Variants in CYBB observed in about 807,000 individuals in gnomAD.
CYBB encodes cytochrome b-245 beta chain.
A neutral mutation model predicts 46.5 loss-of-function variants in CYBB; 5 were observed. That is an observed-to-expected ratio of 0.11 (90% CI 0.06 to 0.23). CYBB has a LOEUF of 0.23. Among genes scored for constraint, CYBB ranks in the 10% least tolerant of loss-of-function variants. CYBB has a pLI of 1.00. For synonymous variants in CYBB, 183 were observed against 156.7 expected (o/e 1.17, Z -1.26); for missense variants, 307 against 428.3 (o/e 0.72, Z 2.50).
intron 11 of CYBB, among the ~76,000 whole-genome samples, chrX:37,808,200 A>G (rs1929602631): frequency 8.9e-6 from 1 of 111,799 alleles, no homozygotes; most frequent in Non-Finnish European, 1.9e-5. Context: ...GGAGGCTGGC[A>G]AGTCCAAGAT....
Position 37,782,055 on chromosome X carries a change from G to A in CYBB, c.46-33G>A, listed in dbSNP as rs373679238. 1.4e-4 allele frequency: 156 copies of A among 1,123,747 alleles called. No individual in the cohort carries two copies. In the African/African-American group the frequency reaches 2.2e-3, roughly 16 times the overall value. The allele number at this position is 1,123,747 out of a possible 1,213,427, so 92.6% of individuals were successfully genotyped here. A position where few individuals can be genotyped will look rare whatever the true frequency, so the allele number is the denominator to read the frequency against. On this transcript the variant is annotated intron_variant, in intron 1 of 12. Coordinates refer to ENST00000378588, the MANE Select transcript of CYBB (RefSeq NM_000397.4). ...TGTGTGGAATCTACTGTGGAAATGCGGAAACTTCATGCAATTATTTCTGTT... is the reference window on the plus strand; with the variant it reads ...TGTGTGGAATCTACTGTGGAAATGCAGAAACTTCATGCAATTATTTCTGTT...
intron 8 of CYBB, among the ~76,000 whole-genome samples, chrX:37,801,587 TG>T (rs1269462104): frequency 4.9e-5 from 2 of 41,095 alleles, no homozygotes; most frequent in African/African-American, 3.7e-4. Context: ...CCCCACCCAT[TG>T]TGTGTGTGTG....
At chrX:37,809,772 A>G in intron 12 of CYBB, 81 bp downstream of exon 12, 6 of 1,032,449 alleles carry the variant, frequency 5.8e-6, no homozygotes, top group Non-Finnish European at 8.0e-6. Flanking sequence ...AAACTTATAT[A>G]TTTTAGAAAC....
rs1403931118 is a variant in CYBB at position 37,812,564 on chromosome X, T to G, written c.*1647T>G. 1.8e-5 allele frequency: 2 copies of G among 111,982 alleles called. No individual in the cohort carries two copies. The highest frequency in any genetic ancestry group is 3.8e-5 in the Non-Finnish European group (2 of 53,190). 9.2% of individuals were successfully genotyped at this position (111,982 alleles called of 1,213,427 possible). On this transcript the variant is annotated 3_prime_UTR_variant, in exon 13 of 13. Transcript: ENST00000378588. ...ATAATTGAAGGAGGTATACACATAT[T>G]GATGTTGTTTTGATTATCTATGGTA...
At chrX:37,785,707 C>T (rs186959357) in intron 3 of CYBB, among the ~76,000 whole-genome samples, 5 of 111,289 alleles carry the variant, frequency 4.5e-5, no homozygotes, top group Admixed American at 9.5e-5. Flanking sequence ...ACCTGCCTGG[C>T]GAGTTCCTTG....
chrX:37,808,456 G>C (rs1556472350), intron 11 of CYBB, among the ~76,000 whole-genome samples: 1 of 112,075 alleles, frequency 8.9e-6, no homozygotes, highest in East Asian at 2.8e-4. Context: ...CATTCAAACT[G>C]TAGCAACTGG....
At position 37,805,006 on chromosome X, in the gene CYBB, G is replaced by T. The variant is rs782492839; in HGVS notation, c.1152G>T (p.Lys384Asn). 8.3e-7 allele frequency: 1 copy of T among 1,209,559 alleles called. No homozygotes were observed. The highest frequency in any genetic ancestry group is 1.7e-5 in the African/African-American group (1 of 57,364). ...QEFQDAWKLP[K>N]IAVDGPFGTA... ...CTATCTCCTCCCCATTTCCCTTCAG[G>T]ATAGCGGTTGATGGGCCCTTTGGCA... Residue 384 changes from lysine (K) to asparagine (N), a missense_variant and splice_region_variant, in exon 10 of 13, where the codon AAG (lysine) becomes AAT (asparagine). Lys to Asn is a moderately conservative substitution (Grantham distance 94). Transcript: ENST00000378588.
chrX:37,810,979 T>A lies in CYBB; in HGVS notation c.*62T>A. 1 of 1,054,018 alleles carries A rather than the reference T, an allele frequency of 9.5e-7. No homozygotes were observed. Among genetic ancestry groups the A allele is most frequent in the Non-Finnish European group, 1.3e-6 (1 of 760,612 alleles). The allele number at this position is 1,054,018 out of a possible 1,213,427, so 86.9% of individuals were successfully genotyped here. A position where few individuals can be genotyped will look rare whatever the true frequency, so the allele number is the denominator to read the frequency against. On this transcript the variant is annotated 3_prime_UTR_variant, in exon 13 of 13. Transcript: ENST00000378588. ...CTGCCAAATGCTCAAATAATGCTAATTGATAATATAAATACCCCCTGCTTA... is the reference window on the plus strand; with the variant it reads ...CTGCCAAATGCTCAAATAATGCTAAATGATAATATAAATACCCCCTGCTTA...
At chrX:37,787,119 A>G (rs1446598317) in intron 3 of CYBB, among the ~76,000 whole-genome samples, 1 of 111,876 alleles carries the variant, frequency 8.9e-6, no homozygotes, top group East Asian at 2.8e-4. Flanking sequence ...TTAGAGTGTT[A>G]ACAGGAGAGA....
intron 8 of CYBB, among the ~76,000 whole-genome samples, chrX:37,801,586 TTGTGTGTGTGTGTGTGTG>T (rs58302662): frequency 1.2e-5 from 1 of 84,594 alleles, no homozygotes; most frequent in Non-Finnish European, 2.3e-5. Flanking sequence ...CCCCCACCCA[TTGTGTGTGTGTGTGTGTG>T]TGTGTGTGTG....
Position 37,801,318 on chromosome X carries a change from G to T in CYBB, c.867G>T (p.Trp289Cys), listed in dbSNP as rs1929434069. Residue 289 changes from tryptophan (W) to cysteine (C), a missense_variant, in exon 8 of 13, where the codon TGG becomes TGT. By Grantham distance (215) the Trp-to-Cys change is radical. Transcript: ENST00000378588. ...TCTGTGAGAGGTTGGTGCGGTTTTG[G>T]CGATCTCAACAGAAGGTGGTCATCA... Reference protein sequence around the residue: ...LYLCERLVRFWRSQQKVVITK... With the variant: ...LYLCERLVRFCRSQQKVVITK... The T allele has an allele frequency of 4.1e-6, 5 of 1,206,826 alleles. No homozygotes were observed. The highest frequency in any genetic ancestry group is 5.6e-6 in the Non-Finnish European group (5 of 891,454).
chrX:37,809,884 TG>T (rs1556472789), intron 12 of CYBB, among the ~76,000 whole-genome samples, 193 bp downstream of exon 12: 3 of 112,104 alleles, frequency 2.7e-5, no homozygotes, highest in African/African-American at 9.7e-5. Flanking sequence ...CCAAATTACC[TG>T]GAGATTAATT....
At chrX:37,790,259 T>C (rs2146808342) in intron 3 of CYBB, among the ~76,000 whole-genome samples, 1 of 112,034 alleles carries the variant, frequency 8.9e-6, no homozygotes. Flanking sequence ...CCCAGTCTCA[T>C]TTTTACCCTC....
chrX:37,797,533 C>A (rs1556468774), intron 6 of CYBB, among the ~76,000 whole-genome samples: 1 of 111,509 alleles, frequency 9.0e-6, no homozygotes, highest in Non-Finnish European at 1.9e-5. Flanking sequence ...GTTTAAAATG[C>A]AGGTTTCTGG....
chrX:37,791,993 C>G lies in CYBB; in HGVS notation c.271C>G (p.Arg91Gly). Residue 91 changes from arginine (R) to glycine (G), a missense_variant, in exon 4 of 13, where the codon CGA (arginine) becomes GGA (glycine). Physicochemically the swap from Arg to Gly is moderately radical, Grantham distance 125. This residue lies in a region of CYBB where 103 missense variants were observed against 150.2 expected (regional missense o/e 0.69). Transcript: ENST00000378588. ...TCCAAAGTGCTGCTCAACAAGAGTT[C>G]GAAGACAACTGGACAGGAATCTCAC... ...GSSACCSTRV[R>G]RQLDRNLTFH... 8.3e-7 allele frequency: 1 copy of G among 1,205,472 alleles called. No individual in the cohort carries two copies. Among genetic ancestry groups the G allele is most frequent in the Non-Finnish European group, 1.1e-6 (1 of 890,165 alleles).
intron 3 of CYBB, 125 bp downstream of exon 3, chrX:37,783,725 C>G (rs2146804223): frequency 1.9e-6 from 1 of 521,978 alleles, no homozygotes; most frequent in East Asian, 3.6e-5. Context: ...ACTCATGAGC[C>G]AAGCCATTAT....
chrX:37,793,027 A>G (rs1929229663), intron 4 of CYBB, among the ~76,000 whole-genome samples: 1 of 107,390 alleles, frequency 9.3e-6, no homozygotes, highest in African/African-American at 3.4e-5. Flanking sequence ...AGATGAGCTG[A>G]TATTAATAGT....
At chrX:37,792,506 A>T (rs190649173) in intron 4 of CYBB, among the ~76,000 whole-genome samples, 47 of 111,039 alleles carry the variant, frequency 4.2e-4, no homozygotes, top group Non-Finnish European at 6.6e-4. Flanking sequence ...AAATACCTTC[A>T]TTATTATTAT....
intron 7 of CYBB, among the ~76,000 whole-genome samples, chrX:37,799,872 C>T (rs996208314): frequency 1.8e-5 from 2 of 111,328 alleles, no homozygotes; most frequent in African/African-American, 3.3e-5. Context: ...TGCAGGGCTT[C>T]TGAAGAGGAT....
Sources: gnomAD v4.1 joint callset for allele counts (sites outside exome capture counted in the v4.1 genomes callset) on GRCh38, gnomAD v4.1.1 for gene constraint, gnomAD v4.1.1 regional missense constraint, MANE v1.5 for transcripts, NCBI Gene and HGNC (gene_info 2026-07-23, HGNC 2026-07-21) for gene names.